The following RNFT1 variants were observed in gnomAD, a reference collection of about 807,000 sequenced individuals.
The protein encoded by RNFT1 is ring finger protein, transmembrane 1.
A neutral mutation model predicts 53.2 loss-of-function variants in RNFT1; 35 were observed. The observed-to-expected ratio is 0.66, with a 90% CI of 0.50 to 0.87. The LOEUF is 0.87. Ranked by LOEUF, RNFT1 falls within the 40% of genes least tolerant of loss-of-function variation. RNFT1 has a pLI of 0.00. For missense variants in RNFT1, 421 were observed against 515.0 expected (o/e 0.82, Z 1.77); for synonymous variants, 141 against 172.8 (o/e 0.82, Z 1.44).
At chr17:59,953,461 A>C (rs1445747477) in intron 8 of RNFT1, among the ~76,000 whole-genome samples, 2 of 152,208 alleles carry the variant, frequency 1.3e-5, no homozygotes, top group East Asian at 3.9e-4. Context: ...TCAGCCTCCC[A>C]AAGTTCTGGG....
intron 4 of RNFT1, 53 bp downstream of exon 4, chr17:59,960,015 T>C (rs1404077813): frequency 1.3e-6 from 2 of 1,549,678 alleles, no homozygotes; most frequent in Non-Finnish European, 1.8e-6. Context: ...CAAAGTGCTA[T>C]GAAATATATG....
At chr17:59,954,453 T>C (rs2045241610) in intron 7 of RNFT1, among the ~76,000 whole-genome samples, 1 of 152,190 alleles carries the variant, frequency 6.6e-6, no homozygotes, top group Admixed American at 6.5e-5. Context: ...AATGTAACTA[T>C]TATAAAATCT....
Position 59,964,725 on chromosome 17 carries a change from G to T in RNFT1, c.-62C>A. 1.3e-6 allele frequency: 2 copies of T among 1,495,414 alleles called. No individual in the cohort carries two copies. Among genetic ancestry groups the T allele is most frequent in the Non-Finnish European group, 9.0e-7 (1 of 1,116,630 alleles). The allele number at this position is 1,495,414 out of a possible 1,614,324, so 92.6% of individuals were successfully genotyped here. A position where few individuals can be genotyped will look rare whatever the true frequency, so the allele number is the denominator to read the frequency against. ...GCAAACCCCGCAAGCTCTTCTCTCA[G>T]CCCGGCGGCAACGGCGGCGGCGCGC... On this transcript the variant is annotated 5_prime_UTR_variant, in exon 1 of 9. It adds an upstream start codon to the 5' untranslated region. Coordinates refer to ENST00000305783, the MANE Select transcript of RNFT1 (RefSeq NM_016125.4).
intron 3 of RNFT1, among the ~76,000 whole-genome samples, chr17:59,960,916 TTAA>T (rs869239284): frequency 1.4e-5 from 2 of 144,650 alleles, no homozygotes; most frequent in Non-Finnish European, 3.1e-5. Context: ...TTATAAGAAT[TTAA>T]TAAATTAATG....
At chr17:59,956,648 A>C in intron 6 of RNFT1, 95 bp from the exon 7 acceptor site, 3 of 812,262 alleles carry the variant, frequency 3.7e-6, no homozygotes, top group Non-Finnish European at 6.2e-6. Flanking sequence ...TCAAATCCTC[A>C]TATTAACTTA....
chr17:59,958,193 T>G (rs1300257996), intron 5 of RNFT1, 98 bp downstream of exon 5: 1 of 1,286,820 alleles, frequency 7.8e-7, no homozygotes, highest in Non-Finnish European at 1.1e-6. Context: ...GTTAGCAAAC[T>G]GAAAAACTGC....
chr17:59,952,362 T>C lies in RNFT1; in HGVS notation c.*615A>G, dbSNP rs2045224870. The stretch of plus-strand genomic sequence containing the variant: ...GAATTTATGACGTCCAGAGACAAAA[T>C]GAATTTAAATCATTTATTTTCACTT... On this transcript the variant is annotated 3_prime_UTR_variant, in exon 9 of 9. Coordinates refer to ENST00000305783, the MANE Select transcript of RNFT1 (RefSeq NM_016125.4). 1 of 152,358 alleles carries C rather than the reference T, an allele frequency of 6.6e-6. No individual in the cohort carries two copies. Among genetic ancestry groups the C allele is most frequent in the Middle Eastern group, 3.4e-3 (1 of 294 alleles). The allele number at this position is 152,358 out of a possible 1,614,324, so 9.4% of individuals were successfully genotyped here.
chr17:59,962,406 C>T, intron 3 of RNFT1, 134 bp downstream of exon 3: 1 of 568,366 alleles, frequency 1.8e-6, no homozygotes, highest in Non-Finnish European at 3.1e-6. Context: ...ACAAATTTAA[C>T]ATAACGTGGA....
At chr17:59,958,220 TAAAC>T in intron 5 of RNFT1, 67 bp downstream of exon 5, 1 of 1,439,502 alleles carries the variant, frequency 6.9e-7, no homozygotes, top group Non-Finnish European at 9.3e-7. Context: ...AGGATTCATT[TAAAC>T]AAAGACTAAA....
intron 3 of RNFT1, 43 bp downstream of exon 3, chr17:59,962,497 G>T: frequency 2.4e-6 from 3 of 1,238,920 alleles, no homozygotes; most frequent in South Asian, 1.3e-5. Flanking sequence ...AAAATCTATG[G>T]AGAGAAACAG....
At position 59,952,806 on chromosome 17, in the gene RNFT1, A is replaced by T; in HGVS notation, c.*171T>A. On this transcript the variant is annotated 3_prime_UTR_variant, in exon 9 of 9. Transcript: ENST00000305783. ...AGGTTGAACATTATATATATTTTAA[A>T]ACACAGGGTGGTTTCATTTAATCTT... 2 of 540,886 alleles carry T rather than the reference A, an allele frequency of 3.7e-6. No homozygotes were observed. Among genetic ancestry groups the T allele is most frequent in the South Asian group, 3.2e-5 (1 of 31,714 alleles). The allele number at this position is 540,886 out of a possible 1,614,324, so 33.5% of individuals were successfully genotyped here.
chr17:59,963,850 T>TA (rs1330140100), intron 1 of RNFT1, among the ~76,000 whole-genome samples: 1 of 152,194 alleles, frequency 6.6e-6, no homozygotes, highest in African/African-American at 2.4e-5. Context: ...CCAAAGCTCA[T>TA]AAAGTTTCCA....
chr17:59,960,652 A>T (rs1220793750), intron 3 of RNFT1, among the ~76,000 whole-genome samples: 1 of 151,772 alleles, frequency 6.6e-6, no homozygotes, highest in East Asian at 1.9e-4. Flanking sequence ...TCTACTAAAA[A>T]AAGTACAAAA....
At chr17:59,955,806 T>C (rs549492628) in intron 7 of RNFT1, among the ~76,000 whole-genome samples, 1 of 152,318 alleles carries the variant, frequency 6.6e-6, no homozygotes, top group Non-Finnish European at 1.5e-5. Flanking sequence ...GACTGCAAAA[T>C]TGAGAATCAA....
At chr17:59,959,275 C>CT (rs1402602429) in intron 4 of RNFT1, 1 of 152,522 alleles carries the variant, frequency 6.6e-6, no homozygotes, top group Non-Finnish European at 1.5e-5. Flanking sequence ...GTCATTCTTG[C>CT]TTCTCTCCAC....
intron 4 of RNFT1, chr17:59,959,454 T>C (rs945920478): frequency 1.3e-5 from 2 of 152,274 alleles, no homozygotes; most frequent in African/African-American, 4.8e-5. Flanking sequence ...GCTACTGTCA[T>C]TTAGTAAGTG....
intron 1 of RNFT1, among the ~76,000 whole-genome samples, chr17:59,964,214 C>G (rs1307043031): frequency 2.0e-5 from 3 of 152,172 alleles, no homozygotes; most frequent in Admixed American, 6.5e-5. Flanking sequence ...CTAGAGTTAA[C>G]GTCAGGGAAT....
At chr17:59,958,543 T>C in intron 4 of RNFT1, 99 bp from the exon 5 acceptor site, 1 of 990,842 alleles carries the variant, frequency 1.0e-6, no homozygotes, top group Non-Finnish European at 1.5e-6. Context: ...TTTTGATATG[T>C]AAAAAATATG....
At chr17:59,955,868 A>T (rs2045251305) in intron 7 of RNFT1, among the ~76,000 whole-genome samples, 1 of 152,192 alleles carries the variant, frequency 6.6e-6, no homozygotes, top group African/African-American at 2.4e-5. Context: ...TCAGGCTACT[A>T]AGTGGTAAAT....
Sources: allele counts gnomAD v4.1 joint callset (sites outside exome capture counted in the v4.1 genomes callset), GRCh38; gene constraint gnomAD v4.1.1; transcripts MANE v1.5; gene names NCBI Gene and HGNC (gene_info 2026-07-23, HGNC 2026-07-21).